Variants in KMT5C observed in about 807,000 individuals in gnomAD.
KMT5C encodes histone-lysine N-methyltransferase KMT5C.
A neutral mutation model predicts 38.2 loss-of-function variants in KMT5C; 16 were observed. The ratio of observed to expected loss-of-function variants is 0.42; its 90% confidence interval spans 0.28 to 0.64. The LOEUF (loss-of-function observed/expected upper bound fraction) is 0.64. Among genes scored for constraint, KMT5C ranks in the 30% least tolerant of loss-of-function variants. The pLI is 0.23. For missense variants in KMT5C, 598 were observed against 665.1 expected (o/e 0.90, Z 1.11); for synonymous variants, 291 against 279.0 (o/e 1.04, Z -0.43).
At chr19:55,341,057 C>T (rs1785109109) in intron 1 of KMT5C, among the ~76,000 whole-genome samples, 1 of 152,232 alleles carries the variant, frequency 6.6e-6, no homozygotes, top group Non-Finnish European at 1.5e-5. Flanking sequence ...CCTCGAGCGC[C>T]GTGGTGCGGG....
chr19:55,342,199 A>C lies in KMT5C; in HGVS notation c.111-16A>C, dbSNP rs533847871. 2 of 1,606,748 alleles carry C rather than the reference A, an allele frequency of 1.2e-6. No homozygotes were observed. The highest frequency in any genetic ancestry group is 2.2e-5 in the South Asian group (2 of 90,242). ...CCCGGGAAGGCCCTGGGACCCAGGCATGCCCTCTCCCCCAGCCCTGTGCCC... is the reference window on the plus strand; with the variant it reads ...CCCGGGAAGGCCCTGGGACCCAGGCCTGCCCTCTCCCCCAGCCCTGTGCCC... On this transcript the variant is annotated splice_polypyrimidine_tract_variant and intron_variant, in intron 2 of 8. Transcript: ENST00000255613.
chr19:55,345,371 GT>G (rs1273544319), intron 6 of KMT5C, among the ~76,000 whole-genome samples: 1 of 152,168 alleles, frequency 6.6e-6, no homozygotes, highest in Non-Finnish European at 1.5e-5. Context: ...GGGAAGCTTG[GT>G]TTTTAGGTCA....
Position 55,343,411 on chromosome 19 carries a change from G to T in KMT5C, c.387-269G>T. 4 of 512,872 alleles carry T rather than the reference G, an allele frequency of 7.8e-6. 1 individual carries two copies. In the South Asian group the frequency reaches 9.5e-5, roughly 12 times the overall value. The allele number at this position is 512,872 out of a possible 1,614,324, so 31.8% of individuals were successfully genotyped here. ...TGGGGGCAGGAGGTGCTATGAGAGC[G>T]AGGGGAGAGAATGGGGGCTGTATCT... On this transcript the variant is annotated intron_variant, in intron 4 of 8. Transcript: ENST00000255613. This position sits in a 1 kb window ranked among gnomAD's most constrained non-coding sequence, Gnocchi z 5.5.
chr19:55,342,553 T>TG (rs879749324), intron 3 of KMT5C, 173 bp downstream of exon 3: 23 of 643,094 alleles, frequency 3.6e-5, no homozygotes, highest in South Asian at 9.5e-5. Flanking sequence ...AGAGGAGAGT[T>TG]GGGGGGGCCC....
intron 6 of KMT5C, chr19:55,344,943 G>C (rs778695131): frequency 4.3e-6 from 2 of 468,278 alleles, no homozygotes; most frequent in South Asian, 3.1e-5. Flanking sequence ...TTTCATCTCA[G>C]ATGGGGTTGG....
At chr19:55,342,091 C>T in intron 2 of KMT5C, 45 bp downstream of exon 2, 2 of 1,575,550 alleles carry the variant, frequency 1.3e-6, no homozygotes, top group Non-Finnish European at 1.7e-6. Flanking sequence ...GGTCAGGACC[C>T]CTCCCCTTGC....
chr19:55,340,265 C>T (rs1312158211), intron 1 of KMT5C, among the ~76,000 whole-genome samples: 1 of 151,196 alleles, frequency 6.6e-6, no homozygotes, highest in Admixed American at 6.6e-5. Context: ...CAGGGCCTTT[C>T]CCTGACCTCA....
intron 6 of KMT5C, 37 bp from the exon 7 acceptor site, chr19:55,346,176 G>A (rs935576909): frequency 2.5e-6 from 4 of 1,611,844 alleles, no homozygotes; most frequent in Admixed American, 3.3e-5. Context: ...CCTCCCCTGT[G>A]CCCTGGGCCA....
chr19:55,346,127 G>T (rs576103501), intron 6 of KMT5C, 86 bp from the exon 7 acceptor site: 3 of 1,545,138 alleles, frequency 1.9e-6, no homozygotes, highest in South Asian at 2.3e-5. Flanking sequence ...AGGACGCTCC[G>T]GGCCAGGGTG....
In KMT5C at chr19:55,340,386, ACCT is replaced by A. The variant is rs1441540341; in HGVS notation, c.-144+434_-144+436del. On this transcript the variant is annotated intron_variant, in intron 1 of 8. Transcript: ENST00000255613. The stretch of plus-strand genomic sequence containing the variant: ...CCTGCACTCCCAGGGCCAATCCCCG[ACCT>A]CCTCTCACCCTCCAGGCCTCCTTCT... Among the ~76,000 whole-genome samples, 9 of 143,206 alleles carry A rather than the reference ACCT, an allele frequency of 6.3e-5. No individual in the cohort carries two copies. In the East Asian group the frequency reaches 1.7e-3, roughly 27 times the overall value. 93.9% of individuals were successfully genotyped at this position (143,206 alleles called of 152,430 possible).
At position 55,343,670 on chromosome 19, in the gene KMT5C, C is replaced by G. The variant is rs1241794058; in HGVS notation, c.387-10C>G. On this transcript the variant is annotated splice_polypyrimidine_tract_variant and intron_variant, in intron 4 of 8. Transcript: ENST00000255613. The surrounding 1 kb of genome is among the most constrained non-coding windows in gnomAD (Gnocchi z 5.5). ...ATCGCCCACAGCCCTGCCCCCTGGCCTCTTGGCAGGAAAAAGAATGAGAAG... is the reference window on the plus strand; with the variant it reads ...ATCGCCCACAGCCCTGCCCCCTGGCGTCTTGGCAGGAAAAAGAATGAGAAG... The G allele has an allele frequency of 1.3e-6, 2 of 1,551,906 alleles. No individual in the cohort carries two copies. The highest frequency in any genetic ancestry group is 2.7e-5 in the African/African-American group (2 of 73,238).
Position 55,347,264 on chromosome 19 carries a change from G to T in KMT5C, c.1204G>T (p.Val402Leu), listed in dbSNP as rs368640603. The T allele has an allele frequency of 1.6e-4, 252 of 1,553,706 alleles. No homozygotes were observed. In the African/African-American group the frequency reaches 3.2e-3, roughly 20 times the overall value. ...CCGGCGCTATGGGCTGCCTTACGTG[G>T]TGCGTGTGGACCTTCGTCGCCTGGC... ...WARRYGLPYV[V>L]RVDLRRLAPA... is the part of the protein sequence containing the mutation. Residue 402 changes from valine (V) to leucine (L), a missense_variant, in exon 9 of 9, where the codon GTG (valine) becomes TTG (leucine). Coordinates refer to ENST00000255613, the MANE Select transcript of KMT5C (RefSeq NM_032701.4). This position sits in a 1 kb window ranked among gnomAD's most constrained non-coding sequence, Gnocchi z 4.6.
rs748035150 is a variant in KMT5C at position 55,343,794 on chromosome 19, C to G, written c.501C>G (p.Arg167=). The part of the protein sequence containing the change: ...ENDFSIMYST[R]KRSAQLWLGP... ...ACTTCAGCATCATGTACTCAACCCG[C>G]AAGCGGAGTGCTCAGCTGTGGCTGG... The change falls in exon 5 of 9, where the codon CGC becomes CGG. Residue 167 remains arginine, a synonymous_variant. Coordinates refer to ENST00000255613, the MANE Select transcript of KMT5C (RefSeq NM_032701.4). This position sits in a 1 kb window ranked among gnomAD's most constrained non-coding sequence, Gnocchi z 5.5. 1.9e-6 allele frequency: 3 copies of G among 1,613,398 alleles called. No homozygotes were observed. In the South Asian group the frequency reaches 3.3e-5, roughly 18 times the overall value.
chr19:55,342,224 C>T lies in KMT5C; in HGVS notation c.120C>T (p.Pro40=), dbSNP rs1281548506. Residue 40 remains proline (P), a synonymous_variant, in exon 3 of 9, where the codon CCC becomes CCT. Transcript: ENST00000255613. ...ATGCCCTCTCCCCCAGCCCTGTGCC[C>T]CCCCTGCGGCGACAGCAGCACCTGC... The part of the protein sequence containing the change: ...RTHKMNVSPV[P]PLRRQQHLRS... The T allele has an allele frequency of 1.2e-6, 2 of 1,609,774 alleles. No homozygotes were observed. The highest frequency in any genetic ancestry group is 1.7e-6 in the Non-Finnish European group (2 of 1,178,858).
chr19:55,347,642 G>C lies in KMT5C; in HGVS notation c.*193G>C. On this transcript the variant is annotated 3_prime_UTR_variant, in exon 9 of 9. Transcript: ENST00000255613. This position sits in a 1 kb window ranked among gnomAD's most constrained non-coding sequence, Gnocchi z 4.6. The stretch of plus-strand genomic sequence containing the variant: ...TGACCCTTTGTGACTGCTGACCCCT[G>C]AGCCACCCCCACTCCCACAGGGAGC... The C allele has an allele frequency of 1.1e-6, 1 of 906,180 alleles. No homozygotes were observed. Among genetic ancestry groups the C allele is most frequent in the Non-Finnish European group, 1.5e-6 (1 of 652,276 alleles). The allele number at this position is 906,180 out of a possible 1,614,324, so 56.1% of individuals were successfully genotyped here.
In KMT5C at chr19:55,346,512, A is replaced by T. The variant is rs1369873779; in HGVS notation, c.720A>T (p.Gly240=). 6.3e-7 allele frequency: 1 copy of T among 1,594,842 alleles called. No homozygotes were observed. The highest frequency in any genetic ancestry group is 2.3e-5 in the East Asian group (1 of 43,346). The part of the protein sequence containing the change: ...ECHTCERKGE[G]AFRTRPREPA... Reference sequence around the variant, plus strand: ...CCCGGTCTCCCAGGAAAGGTGAAGGAGCTTTCCGAACCAGGCCTAGGGAGC... The same window carrying T: ...CCCGGTCTCCCAGGAAAGGTGAAGGTGCTTTCCGAACCAGGCCTAGGGAGC... The change falls in exon 8 of 9, where the codon GGA becomes GGT. Residue 240 remains glycine, a synonymous_variant. Transcript: ENST00000255613.
In KMT5C at chr19:55,347,280, G is replaced by C; in HGVS notation, c.1220G>C (p.Arg407Pro). 1 of 1,559,292 alleles carries C rather than the reference G, an allele frequency of 6.4e-7. No individual in the cohort carries two copies. Among genetic ancestry groups the C allele is most frequent in the Non-Finnish European group, 8.7e-7 (1 of 1,155,238 alleles). Residue 407 changes from arginine (R) to proline (P), a missense_variant, in exon 9 of 9, where the codon CGT (arginine) becomes CCT (proline). By Grantham distance (103) the Arg-to-Pro change is moderately radical. This residue lies in a region of KMT5C where 326 missense variants were observed against 298.1 expected (regional missense o/e 1.09). Transcript: ENST00000255613. This position sits in a 1 kb window ranked among gnomAD's most constrained non-coding sequence, Gnocchi z 4.6. ...GLPYVVRVDL[R>P]RLAPAPPATP... ...CCTTACGTGGTGCGTGTGGACCTTC[G>C]TCGCCTGGCCCCAGCCCCACCAGCT...
chr19:55,347,799 G>C lies in KMT5C; in HGVS notation c.*350G>C, dbSNP rs1485399689. 5.3e-5 allele frequency: 15 copies of C among 284,380 alleles called. No individual in the cohort carries two copies. 17.6% of individuals were successfully genotyped at this position (284,380 alleles called of 1,614,324 possible). On this transcript the variant is annotated 3_prime_UTR_variant, in exon 9 of 9. Transcript: ENST00000255613. The surrounding 1 kb of genome is among the most constrained non-coding windows in gnomAD (Gnocchi z 4.6). ...GGGGCCACCCCACGGCATCTCCCCA[G>C]AAGTACAGGCCTCAGGAGGAGGTGG...
chr19:55,340,302 A>C, intron 1 of KMT5C, among the ~76,000 whole-genome samples: 1 of 122,346 alleles, frequency 8.2e-6, no homozygotes, highest in African/African-American at 3.3e-5. Context: ...CTGCACCCCC[A>C]GGTCTCTCCC....
Sources: gnomAD v4.1 joint callset for allele counts (sites outside exome capture counted in the v4.1 genomes callset) on GRCh38, gnomAD v4.1.1 for gene constraint, gnomAD v4.1.1 regional missense constraint, Gnocchi (gnomAD v3.1) non-coding constraint, MANE v1.5 for transcripts, NCBI Gene and HGNC (gene_info 2026-07-23, HGNC 2026-07-21) for gene names.